Variants in PLD1 observed in about 807,000 individuals in gnomAD.
The protein encoded by PLD1 is choline phosphatase 1.
A neutral mutation model predicts 137.1 loss-of-function variants in PLD1; 112 were observed. The ratio of observed to expected loss-of-function variants is 0.82; its 90% confidence interval spans 0.70 to 0.96. The LOEUF (loss-of-function observed/expected upper bound fraction) is 0.96. Ranked by LOEUF, PLD1 falls within the 40% of genes least tolerant of loss-of-function variation. The probability of loss-of-function intolerance (pLI) is 0.00; values close to 1 mark genes in which losing one functional copy is unlikely to be tolerated. For synonymous variants in PLD1, 431 were observed against 454.7 expected, an observed-to-expected ratio of 0.95 and a Z score of 0.66; for missense variants, 1,321 against 1,342.0, an observed-to-expected ratio of 0.98 and a Z score of 0.24.
intron 1 of PLD1, among the ~76,000 whole-genome samples, chr3:171,787,324 A>G (rs1560303235): frequency 6.6e-6 from 1 of 152,006 alleles, no homozygotes; most frequent in Non-Finnish European, 1.5e-5. Flanking sequence ...TACTTTCTGG[A>G]TTTGTTATGT....
At position 171,690,306 on chromosome 3, in the gene PLD1, A is replaced by G. The variant is rs79773030; in HGVS notation, c.1339-1430T>C. 6.8e-4 allele frequency among the ~76,000 whole-genome samples: 104 copies of G among 152,270 alleles called. No homozygotes were observed. The East Asian group carries it at 0.019, about 27-fold the overall frequency. ...TTGATTTTATCTTTTCAAAAAACCA[A>G]CTTGGTTTCATTGATTTTCTGTATT... On this transcript the variant is annotated intron_variant, in intron 13 of 26. Coordinates refer to ENST00000351298, the MANE Select transcript of PLD1 (RefSeq NM_002662.5).
chr3:171,724,018 T>C (rs1405481603), intron 8 of PLD1, among the ~76,000 whole-genome samples: 1 of 152,240 alleles, frequency 6.6e-6, no homozygotes, highest in Non-Finnish European at 1.5e-5. Context: ...TACCACATTT[T>C]GTTTATCCAT....
In PLD1 at chr3:171,807,050, G is replaced by A. The variant is rs1723875557; in HGVS notation, c.-32+3349C>T. On this transcript the variant is annotated intron_variant, in intron 1 of 26. Coordinates refer to ENST00000351298, the MANE Select transcript of PLD1 (RefSeq NM_002662.5). ...CAGCTGGGTATGGTAGCTCATGCCT[G>A]TAATCCAGCACTTTGGGAAGCCGAA... 2.0e-5 allele frequency among the ~76,000 whole-genome samples: 3 copies of A among 152,164 alleles called. No individual in the cohort carries two copies. The South Asian group carries it at 6.2e-4, about 32-fold the overall frequency.
chr3:171,699,737 G>A lies in PLD1; in HGVS notation c.1227+8C>T, dbSNP rs1716074142. ...AATTATATCAGCATTTTCTGGGAAA[G>A]TACATACTGCTTTTCGTTTAAGAAT... On this transcript the variant is annotated splice_region_variant and intron_variant, in intron 12 of 26. Transcript: ENST00000351298. 2 of 1,598,188 alleles carry A rather than the reference G, an allele frequency of 1.3e-6. No homozygotes were observed. Among genetic ancestry groups the A allele is most frequent in the Non-Finnish European group, 1.7e-6 (2 of 1,166,004 alleles).
chr3:171,764,901 AAGG>A (rs372909023), intron 1 of PLD1, among the ~76,000 whole-genome samples: 5 of 34,652 alleles, frequency 1.4e-4, no homozygotes, highest in East Asian at 4.1e-4. Flanking sequence ...GAAAGGAAGG[AAGG>A]AAGGAAGGAA....
chr3:171,696,993 C>T (rs961162648), intron 12 of PLD1, among the ~76,000 whole-genome samples: 1 of 152,166 alleles, frequency 6.6e-6, no homozygotes, highest in Non-Finnish European at 1.5e-5. Context: ...AGAGAAGTCA[C>T]ACTAGACACA....
chr3:171,777,922 T>G (rs2108338029), intron 1 of PLD1, among the ~76,000 whole-genome samples: 1 of 152,392 alleles, frequency 6.6e-6, no homozygotes, highest in South Asian at 2.1e-4. Flanking sequence ...TGATGGCATT[T>G]AACTTTTCAT....
chr3:171,663,931 G>T (rs1031247013), intron 19 of PLD1, among the ~76,000 whole-genome samples: 1 of 152,102 alleles, frequency 6.6e-6, no homozygotes, highest in African/African-American at 2.4e-5. Flanking sequence ...AAAAATTCTT[G>T]TTCAAATCAA....
intron 20 of PLD1, 34 bp from the exon 21 acceptor site, chr3:171,659,335 T>G (rs200665950): frequency 7.4e-7 from 1 of 1,353,856 alleles, no homozygotes; most frequent in Non-Finnish European, 1.1e-6. Flanking sequence ...CATGTTAGTC[T>G]TTATTTTCTT....
intron 3 of PLD1, among the ~76,000 whole-genome samples, chr3:171,737,227 T>C (rs553120139): frequency 5.8e-4 from 88 of 152,236 alleles, no homozygotes; most frequent in Middle Eastern, 3.4e-3. Context: ...AACAGAAAAC[T>C]GGGGAGAGAA....
chr3:171,609,553 C>CCA (rs1732491732), intron 25 of PLD1, among the ~76,000 whole-genome samples: 1 of 136,102 alleles, frequency 7.3e-6, no homozygotes, highest in Non-Finnish European at 1.6e-5. Context: ...CACACACACA[C>CCA]ACCAGAGAAA....
chr3:171,693,058 T>A (rs1297071662), intron 12 of PLD1, among the ~76,000 whole-genome samples: 2 of 152,260 alleles, frequency 1.3e-5, no homozygotes, highest in African/African-American at 4.8e-5. Context: ...TGATTCATCC[T>A]TCCTTAGACC....
chr3:171,674,529 C>T lies in PLD1; in HGVS notation c.2200G>A (p.Val734Met), dbSNP rs776749857. 2.5e-6 allele frequency: 4 copies of T among 1,607,162 alleles called. No homozygotes were observed. Among genetic ancestry groups the T allele is most frequent in the South Asian group, 1.1e-5 (1 of 90,832 alleles). ...ACGTTAGCATGGACAGACCCAGGCA[C>T]TTGATATCTCAACTCATGGGCTGTT... ...QTTAHELRYQ[V>M]PGSVHANVQL... The change falls in exon 19 of 27, where the codon GTG (valine) becomes ATG (methionine). Residue 734 changes from valine to methionine, a missense_variant. Coordinates refer to ENST00000351298, the MANE Select transcript of PLD1 (RefSeq NM_002662.5).
At position 171,737,621 on chromosome 3, in the gene PLD1, A is replaced by ATAGC. The variant is rs1719461248; in HGVS notation, c.198_199insGCTA (p.Phe67AlafsTer3). 6.3e-7 allele frequency: 1 copy of ATAGC among 1,595,472 alleles called. No individual in the cohort carries two copies. The highest frequency in any genetic ancestry group is 1.1e-5 in the South Asian group (1 of 90,060). ...TACGTCTGTATATTAGGCTCCTTAA[A>ATAGC]TCCTTGAGTGTTATAAATAGCAGAG... On this transcript the variant is annotated frameshift_variant, in exon 3 of 27. Coordinates refer to ENST00000351298, the MANE Select transcript of PLD1 (RefSeq NM_002662.5). LOFTEE classifies it high-confidence loss of function.
At chr3:171,640,196 G>A (rs73038077) in intron 23 of PLD1, among the ~76,000 whole-genome samples, 10,589 of 150,954 alleles carry the variant, frequency 0.07, 1,072 homozygotes, top group African/African-American at 0.22. Flanking sequence ...ATTTTATTCT[G>A]CTTGCTTTAG....
intron 1 of PLD1, among the ~76,000 whole-genome samples, chr3:171,803,176 A>C (rs750883796): frequency 2.0e-5 from 3 of 152,208 alleles, no homozygotes; most frequent in Non-Finnish European, 4.4e-5. Flanking sequence ...CAAAAGGAAG[A>C]ATCAAGGGTT....
At chr3:171,632,675 A>C (rs1490992413) in intron 23 of PLD1, among the ~76,000 whole-genome samples, 1 of 152,190 alleles carries the variant, frequency 6.6e-6, no homozygotes, top group East Asian at 1.9e-4. Flanking sequence ...AATTATTATA[A>C]CATCTGTGAA....
chr3:171,756,855 C>T (rs547962736), intron 1 of PLD1, among the ~76,000 whole-genome samples: 73 of 152,262 alleles, frequency 4.8e-4, no homozygotes, highest in Non-Finnish European at 8.8e-4. Context: ...AAAGACAACT[C>T]CGTCAATACA....
intron 23 of PLD1, among the ~76,000 whole-genome samples, chr3:171,624,738 G>A (rs946267334): frequency 2.6e-5 from 4 of 152,112 alleles, no homozygotes; most frequent in African/African-American, 9.7e-5. Flanking sequence ...AATTAATAGG[G>A]AGTGATTTCC....
Sources: allele counts gnomAD v4.1 joint callset (sites outside exome capture counted in the v4.1 genomes callset), GRCh38; gene constraint gnomAD v4.1.1; transcripts MANE v1.5; gene names NCBI Gene and HGNC (gene_info 2026-07-23, HGNC 2026-07-21).